TDRD7: variants seen among roughly 807,000 people sequenced by gnomAD.
TDRD7 encodes tudor domain-containing protein 7.
Under a neutral mutation model 109.8 loss-of-function variants are expected in TDRD7, and 47 were observed. The observed-to-expected ratio is 0.43, with a 90% CI of 0.34 to 0.55. TDRD7 has a LOEUF of 0.55. Among genes scored for constraint, TDRD7 ranks in the 20% least tolerant of loss-of-function variants. TDRD7 has a pLI of 0.03. For missense variants in TDRD7, 1,164 were observed against 1,319.2 expected (o/e 0.88, Z 1.82); for synonymous variants, 424 against 457.3 (o/e 0.93, Z 0.93).
chr9:97,451,146 A>G (rs935895829), intron 6 of TDRD7, among the ~76,000 whole-genome samples: 2 of 152,092 alleles, frequency 1.3e-5, no homozygotes, highest in African/African-American at 4.8e-5. Context: ...GCTTCCAGAT[A>G]GCCAAACATA....
chr9:97,434,438 T>C (rs1040619127), intron 4 of TDRD7, among the ~76,000 whole-genome samples: 1 of 152,162 alleles, frequency 6.6e-6, no homozygotes, highest in African/African-American at 2.4e-5. Context: ...TCATGGTGAC[T>C]ATAGTTAATG....
In TDRD7 at chr9:97,487,470, G is replaced by A. The variant is rs966076233; in HGVS notation, c.3076+138G>A. 3 of 1,029,138 alleles carry A rather than the reference G, an allele frequency of 2.9e-6. No individual in the cohort carries two copies. In the Admixed American group the frequency reaches 5.7e-5, roughly 20 times the overall value. 63.8% of individuals were successfully genotyped at this position (1,029,138 alleles called of 1,614,324 possible). A position where few individuals can be genotyped will look rare whatever the true frequency, so the allele number is the denominator to read the frequency against. On this transcript the variant is annotated intron_variant, in intron 16 of 16. Transcript: ENST00000355295. ...TTTGTTTTTTTGTGCTAATAATATT[G>A]CAACCATAATGGAAATAATTTTAAT...
intron 6 of TDRD7, among the ~76,000 whole-genome samples, chr9:97,448,838 T>G (rs149408464): frequency 6.6e-6 from 1 of 152,332 alleles, no homozygotes; most frequent in African/African-American, 2.4e-5. Flanking sequence ...TATAAATGCT[T>G]TGGAAAGCTT....
intron 4 of TDRD7, among the ~76,000 whole-genome samples, chr9:97,435,153 A>G (rs1156568337): frequency 6.6e-6 from 1 of 151,944 alleles, no homozygotes; most frequent in Non-Finnish European, 1.5e-5. Flanking sequence ...CTACACACAC[A>G]CATCCATATG....
intron 9 of TDRD7, among the ~76,000 whole-genome samples, 180 bp from the exon 10 acceptor site, chr9:97,472,113 A>T (rs981787651): frequency 7.9e-5 from 12 of 152,128 alleles, no homozygotes; most frequent in African/African-American, 2.7e-4. Flanking sequence ...CGTTTACATT[A>T]TATTTTTTTA....
intron 1 of TDRD7, among the ~76,000 whole-genome samples, chr9:97,421,992 A>G (rs1481141951): frequency 1.3e-5 from 2 of 152,104 alleles, no homozygotes; most frequent in African/African-American, 4.8e-5. Flanking sequence ...TTTTGAGTTA[A>G]TTTTTTGTAT....
chr9:97,486,912 T>G (rs916932499), intron 15 of TDRD7, among the ~76,000 whole-genome samples: 1 of 152,218 alleles, frequency 6.6e-6, no homozygotes, highest in Non-Finnish European at 1.5e-5. Context: ...TATGTCTCTT[T>G]CCTTCACTAA....
chr9:97,468,210 G>A (rs896209167), intron 8 of TDRD7, among the ~76,000 whole-genome samples: 5 of 152,240 alleles, frequency 3.3e-5, no homozygotes, highest in African/African-American at 7.2e-5. Context: ...CCCCTAGAGA[G>A]AGAATACACG....
rs564995699 is a variant in TDRD7 at position 97,482,221 on chromosome 9, G to A, written c.2413-628G>A. Reference sequence around the variant, plus strand: ...AAAAGTGTAAAACTAATTTTGACCCGTTCTGTGGAGCTTGCTTCCTCTTTT... The same window carrying A: ...AAAAGTGTAAAACTAATTTTGACCCATTCTGTGGAGCTTGCTTCCTCTTTT... On this transcript the variant is annotated intron_variant, in intron 14 of 16. Coordinates refer to ENST00000355295, the MANE Select transcript of TDRD7 (RefSeq NM_014290.3). Among the ~76,000 whole-genome samples, 16 of 152,258 alleles carry A rather than the reference G, an allele frequency of 1.1e-4. No homozygotes were observed. The South Asian group carries it at 1.4e-3, about 14-fold the overall frequency.
At chr9:97,415,757 C>T (rs977258610) in intron 1 of TDRD7, among the ~76,000 whole-genome samples, 5 of 152,324 alleles carry the variant, frequency 3.3e-5, no homozygotes, top group African/African-American at 4.8e-5. Flanking sequence ...TGCGCCACTG[C>T]ACTCCAGTTG....
intron 6 of TDRD7, among the ~76,000 whole-genome samples, chr9:97,455,517 A>G (rs1172394297): frequency 1.3e-5 from 2 of 152,226 alleles, no homozygotes; most frequent in Non-Finnish European, 1.5e-5. Context: ...AGCCTGGTTC[A>G]ACATATGTAA....
chr9:97,489,820 C>T (rs1295312722), intron 16 of TDRD7, among the ~76,000 whole-genome samples: 1 of 152,018 alleles, frequency 6.6e-6, no homozygotes, highest in Admixed American at 6.6e-5. Flanking sequence ...AATTATATCT[C>T]TATTTTTTCC....
intron 4 of TDRD7, among the ~76,000 whole-genome samples, 188 bp downstream of exon 4, chr9:97,432,426 A>G (rs1407661125): frequency 2.0e-5 from 3 of 152,186 alleles, no homozygotes; most frequent in South Asian, 2.1e-4. Flanking sequence ...TCTCTATTCT[A>G]TATTTTCTCT....
At chr9:97,435,765 A>C (rs753331982) in intron 4 of TDRD7, among the ~76,000 whole-genome samples, 1 of 152,202 alleles carries the variant, frequency 6.6e-6, no homozygotes, top group Non-Finnish European at 1.5e-5. Context: ...ACCCAGTGGC[A>C]GATGTTATGG....
At chr9:97,439,747 C>T (rs1828266384) in intron 5 of TDRD7, among the ~76,000 whole-genome samples, 1 of 152,108 alleles carries the variant, frequency 6.6e-6, no homozygotes, top group Non-Finnish European at 1.5e-5. Context: ...AAGCTAGCAC[C>T]CTAAACTGTG....
chr9:97,453,304 C>G (rs1286860281), intron 6 of TDRD7, among the ~76,000 whole-genome samples: 4 of 151,810 alleles, frequency 2.6e-5, no homozygotes, highest in African/African-American at 4.8e-5. Flanking sequence ...TGCTGCATAA[C>G]AACATTTTGG....
intron 8 of TDRD7, among the ~76,000 whole-genome samples, chr9:97,466,243 CTG>C (rs1828820390): frequency 6.6e-6 from 1 of 152,156 alleles, no homozygotes; most frequent in Non-Finnish European, 1.5e-5. Context: ...GAAAGGGATA[CTG>C]CTGTTTCTTA....
At chr9:97,468,910 G>A (rs534593766) in intron 8 of TDRD7, among the ~76,000 whole-genome samples, 1 of 152,336 alleles carries the variant, frequency 6.6e-6, no homozygotes, top group East Asian at 1.9e-4. Flanking sequence ...ACAGAGCAGA[G>A]TGTGGTGAGA....
chr9:97,493,138 C>T (rs1434404228), intron 16 of TDRD7, among the ~76,000 whole-genome samples: 1 of 152,168 alleles, frequency 6.6e-6, no homozygotes, highest in Non-Finnish European at 1.5e-5. Context: ...TTACCCCTTA[C>T]TCGCTCACAA....
Sources: gnomAD v4.1 joint callset for allele counts (sites outside exome capture counted in the v4.1 genomes callset) on GRCh38, gnomAD v4.1.1 for gene constraint, MANE v1.5 for transcripts, NCBI Gene and HGNC (gene_info 2026-07-23, HGNC 2026-07-21) for gene names.